FAM13C: variants seen among roughly 807,000 people sequenced by gnomAD.
The protein encoded by FAM13C is protein FAM13C.
FAM13C carries 37 observed loss-of-function variants against 73.2 expected under a neutral mutation model. The observed-to-expected ratio is 0.51, with a 90% confidence interval of 0.39 to 0.67. The LOEUF is 0.67. FAM13C is among the 30% of genes least tolerant of loss of function. The pLI, the probability that FAM13C is intolerant of heterozygous loss-of-function variation, is 0.00. For synonymous variants in FAM13C, 246 were observed against 260.9 expected (o/e 0.94, Z 0.55); for missense variants, 589 against 715.6 (o/e 0.82, Z 2.02).
At chr10:59,302,515 G>T (rs751321503) in intron 5 of FAM13C, among the ~76,000 whole-genome samples, 1 of 152,150 alleles carries the variant, frequency 6.6e-6, no homozygotes, top group East Asian at 1.9e-4. Flanking sequence ...CATCGCCACG[G>T]TTATACAATC....
At chr10:59,331,202 A>G (rs1851922916) in intron 3 of FAM13C, among the ~76,000 whole-genome samples, 1 of 152,228 alleles carries the variant, frequency 6.6e-6, no homozygotes, top group South Asian at 2.1e-4. Flanking sequence ...TAGTATGATC[A>G]ATGCTACAAT....
At chr10:59,291,048 G>A (rs962968172) in intron 5 of FAM13C, among the ~76,000 whole-genome samples, 5 of 152,040 alleles carry the variant, frequency 3.3e-5, no homozygotes, top group African/African-American at 1.2e-4. Flanking sequence ...GAAGTCCAAG[G>A]GCCCTATTCC....
At chr10:59,310,959 C>T (rs1848845585) in intron 4 of FAM13C, among the ~76,000 whole-genome samples, 2 of 152,156 alleles carry the variant, frequency 1.3e-5, no homozygotes, top group Non-Finnish European at 2.9e-5. Context: ...GGTCCAAGTG[C>T]AACAGCCTGG....
At chr10:59,348,656 T>C (rs1249929517) in intron 3 of FAM13C, among the ~76,000 whole-genome samples, 1 of 152,174 alleles carries the variant, frequency 6.6e-6, no homozygotes, top group Non-Finnish European at 1.5e-5. Flanking sequence ...TTTTTTCCTT[T>C]GAGATGGAGT....
chr10:59,340,538 G>A (rs1267738415), intron 3 of FAM13C, among the ~76,000 whole-genome samples: 3 of 151,856 alleles, frequency 2.0e-5, no homozygotes, highest in South Asian at 2.1e-4. Context: ...TTGTTCCTTC[G>A]GACTCTCCAT....
chr10:59,261,455 GA>G, intron 10 of FAM13C, among the ~76,000 whole-genome samples: 2 of 152,236 alleles, frequency 1.3e-5, no homozygotes, highest in South Asian at 4.2e-4. Flanking sequence ...ACAGGGAAAG[GA>G]GGCATTCTCC....
At chr10:59,359,783 C>T (rs1048257514) in intron 1 of FAM13C, among the ~76,000 whole-genome samples, 1 of 152,238 alleles carries the variant, frequency 6.6e-6, no homozygotes, top group Admixed American at 6.5e-5. Flanking sequence ...TGAGATAAAA[C>T]CTGGGAGACT....
At chr10:59,350,109 G>A (rs1854834406) in intron 3 of FAM13C, among the ~76,000 whole-genome samples, 1 of 152,192 alleles carries the variant, frequency 6.6e-6, no homozygotes, top group South Asian at 2.1e-4. Flanking sequence ...CAAATGTCTT[G>A]CTTGGAATGG....
intron 5 of FAM13C, among the ~76,000 whole-genome samples, chr10:59,284,579 CT>C (rs552871737): frequency 6.1e-4 from 92 of 151,606 alleles, no homozygotes; most frequent in African/African-American, 2.1e-3. Flanking sequence ...CCCTCACCCC[CT>C]ACTCCACACA....
intron 10 of FAM13C, among the ~76,000 whole-genome samples, chr10:59,255,978 G>T (rs192865422): frequency 2.3e-4 from 35 of 151,948 alleles, no homozygotes; most frequent in African/African-American, 8.2e-4. Flanking sequence ...TATGCAAAAA[G>T]GACTCTAATT....
At chr10:59,285,168 G>A (rs761772491) in intron 5 of FAM13C, among the ~76,000 whole-genome samples, 28 of 152,156 alleles carry the variant, frequency 1.8e-4, no homozygotes, top group Non-Finnish European at 3.2e-4. Flanking sequence ...GGGACCCGGC[G>A]CAAACCTCCT....
At chr10:59,314,032 C>T (rs188709592) in intron 4 of FAM13C, among the ~76,000 whole-genome samples, 1 of 152,234 alleles carries the variant, frequency 6.6e-6, no homozygotes, top group Admixed American at 6.5e-5. Flanking sequence ...AATACTAGTA[C>T]CATGTGTCTA....
intron 3 of FAM13C, among the ~76,000 whole-genome samples, chr10:59,337,639 A>C (rs1458114613): frequency 4.7e-5 from 7 of 150,396 alleles, no homozygotes; most frequent in Non-Finnish European, 1.0e-4. Context: ...ACAGGATAGG[A>C]ACTTTCCATT....
intron 2 of FAM13C, 26 bp downstream of exon 2, chr10:59,355,861 A>G: frequency 6.2e-7 from 1 of 1,611,796 alleles, no homozygotes; most frequent in East Asian, 2.2e-5. Context: ...TCTCACAAAT[A>G]TGAACCAAGC....
chr10:59,358,972 G>A (rs74316004), intron 1 of FAM13C, among the ~76,000 whole-genome samples: 4,282 of 152,198 alleles, frequency 0.028, 88 homozygotes, highest in Middle Eastern at 0.048. Flanking sequence ...CATTTACCTT[G>A]GTAAAGACCA....
intron 3 of FAM13C, among the ~76,000 whole-genome samples, chr10:59,345,224 T>C (rs965472170): frequency 1.3e-5 from 2 of 152,164 alleles, no homozygotes; most frequent in Non-Finnish European, 2.9e-5. Context: ...GATACGCTTG[T>C]GTTTATTATT....
intron 3 of FAM13C, 137 bp from the exon 4 acceptor site, chr10:59,324,243 G>A: frequency 1.5e-6 from 1 of 648,340 alleles, no homozygotes; most frequent in Non-Finnish European, 2.6e-6. Context: ...TGGGAAGGGA[G>A]CCAATTCACT....
At chr10:59,342,311 A>C (rs552378115) in intron 3 of FAM13C, among the ~76,000 whole-genome samples, 8 of 151,528 alleles carry the variant, frequency 5.3e-5, no homozygotes, top group African/African-American at 1.9e-4. Context: ...TCCTAGACTT[A>C]GTCTGCTAAC....
chr10:59,309,324 T>TCAGGCCAC (rs879707701), intron 4 of FAM13C, among the ~76,000 whole-genome samples: 21 of 152,240 alleles, frequency 1.4e-4, no homozygotes, highest in Non-Finnish European at 2.2e-4. Flanking sequence ...CTACTTCCCC[T>TCAGGCCAC]CTACCCTCCT....
Sources: gnomAD v4.1 joint callset for allele counts (sites outside exome capture counted in the v4.1 genomes callset) on GRCh38, gnomAD v4.1.1 for gene constraint, MANE v1.5 for transcripts, NCBI Gene and HGNC (gene_info 2026-07-23, HGNC 2026-07-21) for gene names.